SLC9C2: variants seen among roughly 807,000 people sequenced by gnomAD.
SLC9C2 encodes sodium/hydrogen exchanger 11.
A neutral mutation model predicts 140.2 loss-of-function variants in SLC9C2; 75 were observed. That is an observed-to-expected ratio of 0.53 (90% confidence interval 0.44 to 0.65). The LOEUF is 0.65. SLC9C2 is among the 30% of genes least tolerant of loss of function. The pLI, the probability that SLC9C2 is intolerant of heterozygous loss-of-function variation, is 0.00. For synonymous variants in SLC9C2, 375 were observed against 420.9 expected (o/e 0.89, Z 1.34); for missense variants, 1,074 against 1,331.8 (o/e 0.81, Z 3.01).
At chr1:173,503,243 A>G in intron 27 of SLC9C2, 23 bp downstream of exon 27, 1 of 1,598,682 alleles carries the variant, frequency 6.3e-7, no homozygotes, top group Non-Finnish European at 8.6e-7. Flanking sequence ...AAAAAATTCT[A>G]ATCAAAGTGT....
At position 173,524,827 on chromosome 1, in the gene SLC9C2, A is replaced by G. The variant is rs775583009; in HGVS notation, c.2466T>C (p.Leu822=). Residue 822 remains leucine, a synonymous_variant, in exon 20 of 28, where the codon CTT becomes CTC. Coordinates refer to ENST00000367714, the MANE Select transcript of SLC9C2 (RefSeq NM_178527.4). ...GCTTATCAATAATGCCTCTTGAACAAAGGAAGGTGAGATTTTTTAGAGCTT... is the reference window on the plus strand; with the variant it reads ...GCTTATCAATAATGCCTCTTGAACAGAGGAAGGTGAGATTTTTTAGAGCTT... The part of the protein sequence containing the change: ...IAKALKNLTF[L]CSRGIIDKHE... 6.2e-7 allele frequency: 1 copy of G among 1,614,092 alleles called. No homozygotes were observed. Among genetic ancestry groups the G allele is most frequent in the Non-Finnish European group, 8.5e-7 (1 of 1,179,964 alleles).
intron 24 of SLC9C2, among the ~76,000 whole-genome samples, chr1:173,508,464 C>T (rs979439490): frequency 1.3e-5 from 2 of 151,966 alleles, no homozygotes. Flanking sequence ...CCCATTGGTC[C>T]TAATTCTCAC....
intron 4 of SLC9C2, among the ~76,000 whole-genome samples, chr1:173,595,579 G>A (rs866142491): frequency 2.6e-5 from 4 of 152,178 alleles, no homozygotes; most frequent in Non-Finnish European, 2.9e-5. Context: ...GAGAAAGAGA[G>A]GGAGACTGCA....
At chr1:173,523,316 G>A (rs571536827) in intron 21 of SLC9C2, among the ~76,000 whole-genome samples, 31 of 150,788 alleles carry the variant, frequency 2.1e-4, no homozygotes, top group African/African-American at 7.1e-4. Flanking sequence ...AGGTTGCAGT[G>A]AGCCGAGATC....
At chr1:173,521,214 A>C (rs950878116) in intron 22 of SLC9C2, 87 bp downstream of exon 22, 1 of 742,824 alleles carries the variant, frequency 1.3e-6, no homozygotes, top group African/African-American at 1.9e-5. Context: ...AAACTTTTTC[A>C]GTATCTAAAT....
chr1:173,528,761 T>C (rs1026679856), intron 18 of SLC9C2, among the ~76,000 whole-genome samples: 1 of 152,166 alleles, frequency 6.6e-6, no homozygotes, highest in Non-Finnish European at 1.5e-5. Context: ...TTTAAATCCA[T>C]CTCCAGTTAA....
chr1:173,572,515 T>C (rs887111954), intron 9 of SLC9C2, among the ~76,000 whole-genome samples: 5 of 152,208 alleles, frequency 3.3e-5, no homozygotes, highest in African/African-American at 1.2e-4. Flanking sequence ...CATAAATTCT[T>C]ATGGAAGACA....
At chr1:173,513,570 C>T (rs4272656) in intron 23 of SLC9C2, among the ~76,000 whole-genome samples, 46,837 of 151,730 alleles carry the variant, frequency 0.31, 9,878 homozygotes, top group African/African-American at 0.61. Context: ...GTCTAGCTAG[C>T]GGTCTATTTT....
chr1:173,502,919 C>T (rs957323690), intron 27 of SLC9C2, among the ~76,000 whole-genome samples: 2 of 152,266 alleles, frequency 1.3e-5, no homozygotes, highest in South Asian at 4.1e-4. Flanking sequence ...CAGGAATCCA[C>T]ACTCCAGAGG....
chr1:173,504,912 A>G (rs1387913260), intron 26 of SLC9C2, among the ~76,000 whole-genome samples: 1 of 152,190 alleles, frequency 6.6e-6, no homozygotes, highest in African/African-American at 2.4e-5. Context: ...CTCCTGTGAA[A>G]GAGTCTGTTC....
At chr1:173,516,344 A>G (rs1346036240) in intron 23 of SLC9C2, among the ~76,000 whole-genome samples, 1 of 152,242 alleles carries the variant, frequency 6.6e-6, no homozygotes, top group Non-Finnish European at 1.5e-5. Context: ...TCAGTGGTAC[A>G]TATGCAGGTT....
chr1:173,575,398 C>T (rs948197514), intron 8 of SLC9C2, among the ~76,000 whole-genome samples: 2 of 152,054 alleles, frequency 1.3e-5, no homozygotes, highest in Non-Finnish European at 2.9e-5. Flanking sequence ...ATTATGTCAA[C>T]AGACAGCACC....
At chr1:173,547,360 T>C (rs919012016) in intron 13 of SLC9C2, among the ~76,000 whole-genome samples, 1 of 151,220 alleles carries the variant, frequency 6.6e-6, no homozygotes, top group Non-Finnish European at 1.5e-5. Context: ...AACTCAGATA[T>C]GTTAAATTTA....
At chr1:173,558,330 ACT>A (rs1402200191) in intron 9 of SLC9C2, among the ~76,000 whole-genome samples, 1 of 152,254 alleles carries the variant, frequency 6.6e-6, no homozygotes, top group Non-Finnish European at 1.5e-5. Flanking sequence ...TTGCAACGTG[ACT>A]CTTACCAACC....
intron 4 of SLC9C2, among the ~76,000 whole-genome samples, chr1:173,595,944 C>T (rs1666428109): frequency 1.3e-5 from 2 of 152,176 alleles, no homozygotes; most frequent in South Asian, 4.1e-4. Context: ...CAATTCTTTT[C>T]CCCAACACCA....
At chr1:173,577,372 T>C (rs1309696937) in intron 7 of SLC9C2, among the ~76,000 whole-genome samples, 1 of 152,236 alleles carries the variant, frequency 6.6e-6, no homozygotes, top group Non-Finnish European at 1.5e-5. Flanking sequence ...TTTGCAGCTA[T>C]AGACCTCCCT....
At position 173,521,408 on chromosome 1, in the gene SLC9C2, G is replaced by GAAA; in HGVS notation, c.2641-12_2641-10dup. 9 of 1,130,832 alleles carry GAAA rather than the reference G, an allele frequency of 8.0e-6. No homozygotes were observed. Among genetic ancestry groups the GAAA allele is most frequent in the South Asian group, 6.8e-5 (3 of 44,110 alleles). The allele number at this position is 1,130,832 out of a possible 1,614,324, so 70.0% of individuals were successfully genotyped here. A position where few individuals can be genotyped will look rare whatever the true frequency, so the allele number is the denominator to read the frequency against. On this transcript the variant is annotated splice_polypyrimidine_tract_variant and intron_variant, in intron 21 of 27. Coordinates refer to ENST00000367714, the MANE Select transcript of SLC9C2 (RefSeq NM_178527.4). The stretch of plus-strand genomic sequence containing the variant: ...GCAAGTTTGGCTCTTTCCTGAGTGG[G>GAAA]AAAAAAAAAAACGAAAAGAAAAAGA...
chr1:173,552,111 A>C (rs920639588), intron 11 of SLC9C2, among the ~76,000 whole-genome samples: 4 of 152,218 alleles, frequency 2.6e-5, no homozygotes, highest in Admixed American at 6.5e-5. Context: ...CCTTTAGCCA[A>C]AATCTAATCT....
intron 22 of SLC9C2, among the ~76,000 whole-genome samples, chr1:173,519,919 C>T (rs760530270): frequency 2.0e-5 from 3 of 151,984 alleles, no homozygotes; most frequent in Admixed American, 6.6e-5. Context: ...GAGGCCAAGG[C>T]GGGCGGATCA....
Sources: gnomAD v4.1 joint callset for allele counts (sites outside exome capture counted in the v4.1 genomes callset) on GRCh38, gnomAD v4.1.1 for gene constraint, MANE v1.5 for transcripts, NCBI Gene and HGNC (gene_info 2026-07-23, HGNC 2026-07-21) for gene names.